The following OR9Q1 variants were observed in gnomAD, a reference collection of about 807,000 sequenced individuals.
OR9Q1 encodes olfactory receptor family 9 subfamily Q member 1.
For synonymous variants in OR9Q1, 153 were observed against 148.6 expected (o/e 1.03, Z -0.22); for missense variants, 374 against 378.8 (o/e 0.99, Z 0.11).
chr11:58,127,045 G>A (rs550716442), intron 2 of OR9Q1, among the ~76,000 whole-genome samples: 87 of 152,302 alleles, frequency 5.7e-4, no homozygotes, highest in African/African-American at 2.0e-3. Context: ...CACTTCCCGG[G>A]TTCAAGCGAT....
chr11:58,068,532 C>G (rs1156591131), intron 2 of OR9Q1, among the ~76,000 whole-genome samples: 1 of 152,034 alleles, frequency 6.6e-6, no homozygotes, highest in Non-Finnish European at 1.5e-5. Context: ...CCAAGTTACA[C>G]CAAAAATAGT....
Position 58,161,513 on chromosome 11 carries a change from A to T in OR9Q1, c.-14-17918A>T, listed in dbSNP as rs369691408. 1.7e-4 allele frequency among the ~76,000 whole-genome samples: 25 copies of T among 150,514 alleles called. No individual in the cohort carries two copies. The South Asian group carries it at 5.2e-3, about 32-fold the overall frequency. On this transcript the variant is annotated intron_variant, in intron 2 of 2. Coordinates refer to ENST00000335397, the MANE Select transcript of OR9Q1 (RefSeq NM_001005212.4). ...CTGGATACACATATCCTTATAATAA[A>T]TTTCCTTTTGTTTTTGTTTTGCTCA...
intron 1 of OR9Q1, among the ~76,000 whole-genome samples, chr11:58,048,679 A>AAAAAAATATAT (rs745596668): frequency 5.3e-5 from 7 of 131,432 alleles, no homozygotes; most frequent in South Asian, 5.6e-4. Flanking sequence ...TAAAAAAAAA[A>AAAAAAATATAT]ATATATATAT....
chr11:58,090,288 A>G (rs892225198), intron 2 of OR9Q1, among the ~76,000 whole-genome samples: 1 of 152,190 alleles, frequency 6.6e-6, no homozygotes, highest in Non-Finnish European at 1.5e-5. Flanking sequence ...TGGTTTTGTC[A>G]TAAATAGCTC....
chr11:58,103,466 T>A (rs1368290477), intron 2 of OR9Q1, among the ~76,000 whole-genome samples: 1 of 152,218 alleles, frequency 6.6e-6, no homozygotes, highest in Non-Finnish European at 1.5e-5. Flanking sequence ...ATCTCTTTGT[T>A]AAATTTTTCA....
chr11:58,092,542 T>C (rs1853694401), intron 2 of OR9Q1, among the ~76,000 whole-genome samples: 1 of 152,190 alleles, frequency 6.6e-6, no homozygotes, highest in Non-Finnish European at 1.5e-5. Context: ...TCAATTAAAA[T>C]TGGGAACTAT....
chr11:58,052,603 A>T (rs1180940901), intron 1 of OR9Q1, among the ~76,000 whole-genome samples: 3 of 8,930 alleles, frequency 3.4e-4, no homozygotes, highest in Non-Finnish European at 1.1e-3. Flanking sequence ...ATAATAATAA[A>T]AAAAAAGAAA....
chr11:58,153,672 C>T (rs1407363799), intron 2 of OR9Q1, among the ~76,000 whole-genome samples: 2 of 152,038 alleles, frequency 1.3e-5, no homozygotes, highest in African/African-American at 4.8e-5. Context: ...TCTTTCAGCC[C>T]AGCAGTTTGC....
rs183222581 is a variant in OR9Q1, at chr11:58,080,849, G to A, written c.-15+24902G>A. 8.4e-3 allele frequency among the ~76,000 whole-genome samples: 1,275 copies of A among 152,048 alleles called. 16 individuals are homozygous for A. The highest frequency in any genetic ancestry group is 0.029 in the African/African-American group (1,192 of 41,478). The stretch of plus-strand genomic sequence containing the variant: ...TTTTTAAAAATTATACTTTAAGTTC[G>A]GTTACACGTGCACCACCTGCAGGTT... On this transcript the variant is annotated intron_variant, in intron 2 of 2. Transcript: ENST00000335397.
intron 2 of OR9Q1, among the ~76,000 whole-genome samples, chr11:58,142,930 A>G (rs1009780251): frequency 1.1e-4 from 17 of 152,198 alleles, no homozygotes; most frequent in African/African-American, 4.1e-4. Context: ...CTTGGAAACC[A>G]GGCCATGTTG....
chr11:58,024,013 G>C lies in OR9Q1; in HGVS notation c.-184G>C, dbSNP rs1396999018. The C allele has an allele frequency of 6.6e-6, 1 of 152,224 alleles. No homozygotes were observed. Among genetic ancestry groups the C allele is most frequent in the African/African-American group, 2.4e-5 (1 of 41,430 alleles). 9.4% of individuals were successfully genotyped at this position (152,224 alleles called of 1,614,324 possible). A position where few individuals can be genotyped will look rare whatever the true frequency, so the allele number is the denominator to read the frequency against. On this transcript the variant is annotated 5_prime_UTR_variant, in exon 1 of 3. The change abolishes an upstream ATG in the 5' untranslated region. Transcript: ENST00000335397. ...TCCATCTTTAGTCCAGCCCAGCAAT[G>C]TACATGTTATCCTTCCCGTTTGAAG...
At chr11:58,053,607 TAA>T (rs1425174249) in intron 1 of OR9Q1, among the ~76,000 whole-genome samples, 3 of 76,966 alleles carry the variant, frequency 3.9e-5, no homozygotes, top group Admixed American at 3.3e-4. Flanking sequence ...ATAATAAAAT[TAA>T]AAAATATATA....
intron 2 of OR9Q1, among the ~76,000 whole-genome samples, chr11:58,059,393 A>G (rs1853357820): frequency 6.6e-6 from 1 of 152,114 alleles, no homozygotes; most frequent in Admixed American, 6.6e-5. Flanking sequence ...GGAAAAAATG[A>G]TCAAATTAAA....
chr11:58,105,310 T>A (rs967876636), intron 2 of OR9Q1, among the ~76,000 whole-genome samples: 2 of 152,194 alleles, frequency 1.3e-5, no homozygotes, highest in Non-Finnish European at 2.9e-5. Flanking sequence ...AGATTTATTC[T>A]GAAGCAGCAA....
chr11:58,179,769 T>C lies in OR9Q1; in HGVS notation c.325T>C (p.Ser109Pro). 1 of 1,614,230 alleles carries C rather than the reference T, an allele frequency of 6.2e-7. No homozygotes were observed. Among genetic ancestry groups the C allele is most frequent in the Non-Finnish European group, 8.5e-7 (1 of 1,180,030 alleles). ...AQFFLFTFFG[S>P]IDCYLLALMA... is the part of the protein sequence containing the mutation. ...GTTCTTTCTGTTCACCTTCTTTGGT[T>C]CCATCGACTGCTACCTCTTGGCCCT... The change falls in exon 3 of 3, where the codon TCC becomes CCC. Residue 109 changes from serine (S) to proline (P), a missense_variant. Ser to Pro is a moderately conservative substitution (Grantham distance 74). Transcript: ENST00000335397.
chr11:58,179,955 A>G lies in OR9Q1; in HGVS notation c.511A>G (p.Thr171Ala), dbSNP rs1234766355. The G allele has an allele frequency of 6.2e-7, 1 of 1,614,126 alleles. No homozygotes were observed. Among genetic ancestry groups the G allele is most frequent in the South Asian group, 1.1e-5 (1 of 91,078 alleles). ...AGCCTTCACTCTCTCCTTCTGTGGA[A>G]CCAGTGAGATTGACTTTATTTTCTG... Reference protein sequence around the residue: ...VSAFTLSFCGTSEIDFIFCDL... With the variant: ...VSAFTLSFCGASEIDFIFCDL... The change falls in exon 3 of 3, where the codon ACC (threonine) becomes GCC (alanine). Residue 171 changes from threonine to alanine, a missense_variant. By Grantham distance (58) the Thr-to-Ala change is moderately conservative (BLOSUM62 0). Transcript: ENST00000335397.
chr11:58,067,035 CTT>C (rs11301127), intron 2 of OR9Q1, among the ~76,000 whole-genome samples: 363 of 140,100 alleles, frequency 2.6e-3, no homozygotes, highest in Middle Eastern at 3.5e-3. Flanking sequence ...GGCTTGAATT[CTT>C]TTTTTTTTTT....
intron 2 of OR9Q1, among the ~76,000 whole-genome samples, chr11:58,111,056 C>A (rs900397719): frequency 6.6e-6 from 1 of 152,092 alleles, no homozygotes; most frequent in Non-Finnish European, 1.5e-5. Flanking sequence ...ATGAGGCAAA[C>A]CCAAAGTTCT....
chr11:58,132,114 A>G (rs1378841947), intron 2 of OR9Q1, among the ~76,000 whole-genome samples: 1 of 152,206 alleles, frequency 6.6e-6, no homozygotes, highest in Non-Finnish European at 1.5e-5. Context: ...TAAATCCACA[A>G]GGTAGAGCAA....
Sources: gnomAD v4.1 joint callset for allele counts (sites outside exome capture counted in the v4.1 genomes callset) on GRCh38, gnomAD v4.1.1 for gene constraint, MANE v1.5 for transcripts, NCBI Gene and HGNC (gene_info 2026-07-23, HGNC 2026-07-21) for gene names.